Variants in ADD1 observed in about 807,000 individuals in gnomAD.
The protein encoded by ADD1 is adducin 1, also known as alpha-adducin.
A neutral mutation model predicts 80.5 loss-of-function variants in ADD1; 24 were observed. The ratio of observed to expected loss-of-function variants is 0.30; its 90% CI spans 0.22 to 0.42. The LOEUF (loss-of-function observed/expected upper bound fraction) is 0.42. Among genes scored for constraint, ADD1 ranks in the 10% least tolerant of loss-of-function variants. The pLI is 1.00. For synonymous variants in ADD1, 373 were observed against 393.8 expected (o/e 0.95, Z 0.63); for missense variants, 948 against 1,019.0 (o/e 0.93, Z 0.95).
chr4:2,859,473 A>C (rs1728532756), intron 1 of ADD1, among the ~76,000 whole-genome samples: 1 of 152,224 alleles, frequency 6.6e-6, no homozygotes, highest in African/African-American at 2.4e-5. Context: ...TGTACAAAGG[A>C]AATCATAGGC....
intron 9 of ADD1, chr4:2,901,857 C>T (rs546603953): frequency 3.4e-5 from 5 of 148,042 alleles, no homozygotes; most frequent in African/African-American, 1.2e-4. Flanking sequence ...TGTCCCCCCC[C>T]CAAAAAAAAT....
chr4:2,891,644 G>A lies in ADD1; in HGVS notation c.511-2369G>A, dbSNP rs1027525709. On this transcript the variant is annotated intron_variant, in intron 4 of 15. Transcript: ENST00000683351. ...ATGATGGTAATAATGGGTAGATGCC[G>A]TTTATTGCGAGCTTTATTGTAGACA... Among the ~76,000 whole-genome samples, 8 of 152,092 alleles carry A rather than the reference G, an allele frequency of 5.3e-5. No homozygotes were observed. The East Asian group carries it at 5.8e-4, about 11-fold the overall frequency.
intron 11 of ADD1, 135 bp from the exon 12 acceptor site, chr4:2,908,380 C>T: frequency 1.4e-6 from 1 of 733,570 alleles, no homozygotes; most frequent in Non-Finnish European, 2.3e-6. Flanking sequence ...ATGGGGCCAT[C>T]CTGCCTGCGT....
chr4:2,928,767 A>T lies in ADD1; in HGVS notation c.*244A>T. Reference sequence around the variant, plus strand: ...TCTGGGGGAGACATGCTCTCCCCACAGGGGGGAGGCACTAAGTCATGGTCC... The same window carrying T: ...TCTGGGGGAGACATGCTCTCCCCACTGGGGGGAGGCACTAAGTCATGGTCC... On this transcript the variant is annotated 3_prime_UTR_variant, in exon 16 of 16. Transcript: ENST00000683351. The T allele has an allele frequency of 2.0e-6, 1 of 497,750 alleles. No homozygotes were observed. Among genetic ancestry groups the T allele is most frequent in the Non-Finnish European group, 3.5e-6 (1 of 288,086 alleles). The allele number at this position is 497,750 out of a possible 1,614,324, so 30.8% of individuals were successfully genotyped here.
intron 14 of ADD1, among the ~76,000 whole-genome samples, chr4:2,922,987 C>T (rs1216766320): frequency 2.6e-5 from 4 of 152,212 alleles, no homozygotes; most frequent in African/African-American, 9.6e-5. Context: ...TGCCCCTCCC[C>T]CCACCAAGCT....
chr4:2,894,118 G>C (rs778128056), intron 5 of ADD1, 25 bp downstream of exon 5: 6 of 1,571,602 alleles, frequency 3.8e-6, no homozygotes, highest in Non-Finnish European at 4.4e-6. Flanking sequence ...CTCTTTGGCA[G>C]CTTGTATGTG....
chr4:2,870,083 G>A (rs1480218208), intron 1 of ADD1, among the ~76,000 whole-genome samples: 6 of 152,214 alleles, frequency 3.9e-5, no homozygotes, highest in Admixed American at 2.0e-4. Context: ...GGATTCAAAA[G>A]TAAATCATGT....
At chr4:2,877,724 G>A (rs1731584985) in intron 2 of ADD1, among the ~76,000 whole-genome samples, 1 of 152,282 alleles carries the variant, frequency 6.6e-6, no homozygotes, top group East Asian at 1.9e-4. Flanking sequence ...GGTGGCCCAT[G>A]CCTGTAATCC....
At chr4:2,848,066 T>C (rs1369878458) in intron 1 of ADD1, among the ~76,000 whole-genome samples, 1 of 151,978 alleles carries the variant, frequency 6.6e-6, no homozygotes, top group Non-Finnish European at 1.5e-5. Context: ...AATACAAAAA[T>C]TAGTCAGGCT....
At chr4:2,915,100 C>T in intron 14 of ADD1, 60 bp downstream of exon 14, 2 of 1,522,690 alleles carry the variant, frequency 1.3e-6, no homozygotes, top group Non-Finnish European at 8.8e-7. Context: ...CTGGGAGCTT[C>T]TTTGTGGTCC....
intron 1 of ADD1, among the ~76,000 whole-genome samples, chr4:2,875,285 T>G (rs1235418651): frequency 2.0e-5 from 3 of 152,114 alleles, no homozygotes; most frequent in African/African-American, 7.2e-5. Context: ...ATTTTAAATT[T>G]GAGCCATCTT....
In ADD1 at chr4:2,928,803, G is replaced by A. The variant is rs1403935390; in HGVS notation, c.*280G>A. 2.4e-5 allele frequency: 10 copies of A among 412,112 alleles called. No individual in the cohort carries two copies. In the South Asian group the frequency reaches 3.5e-4, roughly 14 times the overall value. 25.5% of individuals were successfully genotyped at this position (412,112 alleles called of 1,614,324 possible). On this transcript the variant is annotated 3_prime_UTR_variant, in exon 16 of 16. Coordinates refer to ENST00000683351, the MANE Select transcript of ADD1 (RefSeq NM_001354761.2). The stretch of plus-strand genomic sequence containing the variant: ...ACTAAGTCATGGTCCTGGCTGGAAG[G>A]TACTGAAGGCTTCTGCAGCTTTGGC...
At chr4:2,919,986 A>C (rs558300185) in intron 14 of ADD1, among the ~76,000 whole-genome samples, 3 of 152,160 alleles carry the variant, frequency 2.0e-5, no homozygotes, top group Non-Finnish European at 4.4e-5. Flanking sequence ...AGTGCTATAA[A>C]TTTCCCTCTA....
At chr4:2,916,203 ATTATTATTT>A (rs1400795717) in intron 14 of ADD1, among the ~76,000 whole-genome samples, 1 of 112,084 alleles carries the variant, frequency 8.9e-6, no homozygotes, top group Admixed American at 8.6e-5. Context: ...TATTATTATT[ATTATTATTT>A]TTGAGATGAA....
intron 2 of ADD1, 61 bp downstream of exon 2, chr4:2,876,171 C>T (rs1731260651): frequency 1.7e-5 from 26 of 1,512,492 alleles, no homozygotes; most frequent in Admixed American, 6.2e-5. Flanking sequence ...TACTTCAGGT[C>T]TTATGCCCTG....
chr4:2,845,071 G>A (rs1725971836), intron 1 of ADD1, among the ~76,000 whole-genome samples: 1 of 145,070 alleles, frequency 6.9e-6, no homozygotes, highest in South Asian at 2.1e-4. Context: ...ACAAAGGCCC[G>A]CGATGATACC....
intron 9 of ADD1, 85 bp downstream of exon 9, chr4:2,899,520 T>G: frequency 6.8e-7 from 1 of 1,461,188 alleles, no homozygotes; most frequent in South Asian, 1.2e-5. Context: ...GCGATTGCTG[T>G]CTTTTATGCA....
chr4:2,893,941 A>G, intron 4 of ADD1, 72 bp from the exon 5 acceptor site: 1 of 1,408,808 alleles, frequency 7.1e-7, no homozygotes, highest in Non-Finnish European at 1.0e-6. Context: ...CAAACCCGTG[A>G]ATTTGTAGCC....
At chr4:2,863,743 T>G (rs1463775904) in intron 1 of ADD1, among the ~76,000 whole-genome samples, 1 of 152,106 alleles carries the variant, frequency 6.6e-6, no homozygotes, top group Non-Finnish European at 1.5e-5. Context: ...TTTGTTGTTT[T>G]GTTTTCTAAG....
Sources: allele counts gnomAD v4.1 joint callset (sites outside exome capture counted in the v4.1 genomes callset), GRCh38; gene constraint gnomAD v4.1.1; transcripts MANE v1.5; gene names NCBI Gene and HGNC (gene_info 2026-07-23, HGNC 2026-07-21).